The following RHBDL2 variants were observed in gnomAD, a reference collection of about 807,000 sequenced individuals.
The protein encoded by RHBDL2 is rhomboid like 2.
A neutral mutation model predicts 31.7 loss-of-function variants in RHBDL2; 26 were observed. The observed-to-expected ratio is 0.82, with a 90% confidence interval of 0.60 to 1.14. The LOEUF is 1.14. Ranked by LOEUF, RHBDL2 falls within the 50% of genes most tolerant of loss-of-function variation. The pLI, the probability that RHBDL2 is intolerant of heterozygous loss-of-function variation, is 0.00. For missense variants in RHBDL2, 336 were observed against 364.4 expected, an observed-to-expected ratio of 0.92 and a Z score of 0.63; for synonymous variants, 123 against 127.2, an observed-to-expected ratio of 0.97 and a Z score of 0.22.
At chr1:38,917,506 C>T (rs992814261) in intron 2 of RHBDL2, among the ~76,000 whole-genome samples, 7 of 152,196 alleles carry the variant, frequency 4.6e-5, no homozygotes, top group East Asian at 3.9e-4. Flanking sequence ...GTTTGTACCA[C>T]GATACCTTAT....
rs138276681 is a variant in RHBDL2 at position 38,927,704 on chromosome 1, C to A, written c.-125-8367G>T. On this transcript the variant is annotated intron_variant, in intron 1 of 7. Transcript: ENST00000372990. Reference sequence around the variant, plus strand: ...CAGAGCTCACCTCTGCCCTGAGTATCTTACAGAATTGTGGTAAGAATCAAA... The same window carrying A: ...CAGAGCTCACCTCTGCCCTGAGTATATTACAGAATTGTGGTAAGAATCAAA... Among the ~76,000 whole-genome samples the A allele has an allele frequency of 1.6e-4, 25 of 152,304 alleles. 1 individual carries two copies. In the East Asian group the frequency reaches 4.4e-3, roughly 27 times the overall value.
intron 7 of RHBDL2, 55 bp downstream of exon 7, chr1:38,887,908 C>T: frequency 7.7e-7 from 1 of 1,295,092 alleles, no homozygotes; most frequent in East Asian, 2.3e-5. Flanking sequence ...TATTTGATAA[C>T]CCTTTTTGAC....
chr1:38,906,693 A>T (rs1242083444), intron 4 of RHBDL2, among the ~76,000 whole-genome samples: 1 of 152,040 alleles, frequency 6.6e-6, no homozygotes, highest in Non-Finnish European at 1.5e-5. Flanking sequence ...AAAGAATAAC[A>T]TGCACAAATC....
intron 4 of RHBDL2, 68 bp from the exon 5 acceptor site, chr1:38,896,137 T>A: frequency 1.6e-6 from 2 of 1,215,534 alleles, no homozygotes; most frequent in Non-Finnish European, 2.4e-6. Flanking sequence ...CTTTCTAATC[T>A]AAGGTAGACA....
At chr1:38,931,011 A>T (rs1643433742) in intron 1 of RHBDL2, among the ~76,000 whole-genome samples, 1 of 152,156 alleles carries the variant, frequency 6.6e-6, no homozygotes, top group African/African-American at 2.4e-5. Context: ...GTTAGCAGAG[A>T]TGGCTGCTTC....
intron 1 of RHBDL2, among the ~76,000 whole-genome samples, chr1:38,931,264 G>A (rs1457931574): frequency 6.6e-6 from 1 of 152,190 alleles, no homozygotes. Context: ...GCTCACGCCT[G>A]TAATCCTAGT....
At chr1:38,888,092 C>A in intron 6 of RHBDL2, 68 bp from the exon 7 acceptor site, 1 of 986,106 alleles carries the variant, frequency 1.0e-6, no homozygotes, top group South Asian at 1.4e-5. Context: ...TTTTTGGTTC[C>A]CCTCTAATAA....
intron 4 of RHBDL2, among the ~76,000 whole-genome samples, chr1:38,901,588 C>A (rs563200796): frequency 6.6e-6 from 1 of 151,720 alleles, no homozygotes. Flanking sequence ...ATAATCCCAG[C>A]ACTTTGGGAG....
At chr1:38,938,750 T>C (rs1643535313) in intron 1 of RHBDL2, among the ~76,000 whole-genome samples, 1 of 152,200 alleles carries the variant, frequency 6.6e-6, no homozygotes. Context: ...GCACCGAGGA[T>C]GCATGGTAGA....
At chr1:38,918,899 C>A in intron 2 of RHBDL2, 68 bp downstream of exon 2, 2 of 1,559,352 alleles carry the variant, frequency 1.3e-6, no homozygotes, top group African/African-American at 1.4e-5. Context: ...AGATCTAGAT[C>A]TGACCCCTAG....
intron 1 of RHBDL2, among the ~76,000 whole-genome samples, chr1:38,927,501 A>G (rs1212594923): frequency 4.6e-5 from 7 of 152,148 alleles, no homozygotes; most frequent in Admixed American, 6.5e-5. Context: ...TTATCATTCT[A>G]CCATCACTGG....
intron 4 of RHBDL2, among the ~76,000 whole-genome samples, chr1:38,908,603 G>T (rs1315473994): frequency 1.3e-5 from 2 of 151,906 alleles, no homozygotes; most frequent in Non-Finnish European, 2.9e-5. Flanking sequence ...CCCCTCGCAG[G>T]GCGTGCGATG....
Position 38,908,914 on chromosome 1 carries a change from A to G in RHBDL2, c.508+2408T>C, listed in dbSNP as rs1220987607. ...ACACGTGGGCTTGGAGAATGAGTGC[A>G]AGGTTTTATTGAGTGGAAGTAGCTC... is the stretch of plus-strand genomic sequence containing the variant. On this transcript the variant is annotated intron_variant, in intron 4 of 7. Transcript: ENST00000372990. Among the ~76,000 whole-genome samples the G allele has an allele frequency of 2.6e-5, 4 of 152,218 alleles. No individual in the cohort carries two copies. The East Asian group carries it at 5.8e-4, about 22-fold the overall frequency.
chr1:38,887,826 C>G, intron 7 of RHBDL2, 137 bp downstream of exon 7: 1 of 617,852 alleles, frequency 1.6e-6, no homozygotes, highest in Non-Finnish European at 2.9e-6. Context: ...ATTCAAAAGT[C>G]TGATTTCCTT....
rs1321559923 is a variant in RHBDL2 at position 38,911,454 on chromosome 1, T to A, written c.396-20A>T. ...TGAACTCTGCAAAGACAAACAATAG[T>A]TGTCAAATATTATGACTAAACCAAG... On this transcript the variant is annotated intron_variant, in intron 3 of 7. Transcript: ENST00000372990. 6.6e-7 allele frequency: 1 copy of A among 1,510,052 alleles called. No homozygotes were observed. The highest frequency in any genetic ancestry group is 9.2e-7 in the Non-Finnish European group (1 of 1,085,350). 93.5% of individuals were successfully genotyped at this position (1,510,052 alleles called of 1,614,324 possible).
intron 3 of RHBDL2, among the ~76,000 whole-genome samples, chr1:38,912,488 C>G (rs1055061131): frequency 3.2e-4 from 48 of 151,848 alleles, no homozygotes; most frequent in African/African-American, 1.2e-3. Flanking sequence ...CACTACATTT[C>G]CATCTCCTGG....
intron 4 of RHBDL2, among the ~76,000 whole-genome samples, chr1:38,901,321 G>A (rs1642985530): frequency 1.3e-5 from 2 of 151,362 alleles, no homozygotes; most frequent in Non-Finnish European, 2.9e-5. Flanking sequence ...AATTAGCTGG[G>A]CTTGGTGGCA....
chr1:38,927,606 A>T (rs912057607), intron 1 of RHBDL2, among the ~76,000 whole-genome samples: 13 of 152,280 alleles, frequency 8.5e-5, no homozygotes, highest in Admixed American at 8.5e-4. Flanking sequence ...GTTTGACACT[A>T]TAAAGACCTG....
intron 3 of RHBDL2, among the ~76,000 whole-genome samples, chr1:38,913,914 T>C (rs1011234441): frequency 3.3e-5 from 5 of 151,976 alleles, no homozygotes; most frequent in Non-Finnish European, 7.4e-5. Context: ...GTCAGGAGAT[T>C]GAGACCATCC....
Sources: allele counts gnomAD v4.1 joint callset (sites outside exome capture counted in the v4.1 genomes callset), GRCh38; gene constraint gnomAD v4.1.1; transcripts MANE v1.5; gene names NCBI Gene and HGNC (gene_info 2026-07-23, HGNC 2026-07-21).